MEGF11: variants seen among roughly 807,000 people sequenced by gnomAD.
MEGF11 encodes multiple epidermal growth factor-like domains protein 11.
Under a neutral mutation model 146.6 loss-of-function variants are expected in MEGF11, and 126 were observed. That is an observed-to-expected ratio of 0.86 (90% CI 0.74 to 1.00). The LOEUF (loss-of-function observed/expected upper bound fraction) is 1.00. MEGF11 is among the 50% of genes least tolerant of loss of function. The pLI is 0.00. For synonymous variants in MEGF11, 532 were observed against 583.4 expected (o/e 0.91, Z 1.27); for missense variants, 1,509 against 1,521.2 (o/e 0.99, Z 0.13).
chr15:66,070,849 T>C (rs977964178), intron 5 of MEGF11, among the ~76,000 whole-genome samples: 3 of 152,208 alleles, frequency 2.0e-5, no homozygotes, highest in Non-Finnish European at 4.4e-5. Context: ...TGCTTCATAG[T>C]ATTCATATCT....
In MEGF11 at chr15:65,899,672, G is replaced by A. The variant is rs571121683; in HGVS notation, c.3056-738C>T. Among the ~76,000 whole-genome samples, 6 of 152,212 alleles carry A rather than the reference G, an allele frequency of 3.9e-5. No homozygotes were observed. In the South Asian group the frequency reaches 1.2e-3, roughly 31 times the overall value. ...GGGTAGACTGAAGTGTAATTGAGGT[G>A]TAAAAAGCACGTCAGTCTTAAGCTA... On this transcript the variant is annotated intron_variant, in intron 24 of 25. Coordinates refer to ENST00000395614, the MANE Select transcript of MEGF11 (RefSeq NM_001385028.1).
intron 1 of MEGF11, among the ~76,000 whole-genome samples, chr15:66,136,603 G>C (rs1053221713): frequency 6.6e-6 from 1 of 152,208 alleles, no homozygotes; most frequent in Non-Finnish European, 1.5e-5. Context: ...TCTAAAAAAA[G>C]GTTGTCAATA....
At position 65,929,669 on chromosome 15, in the gene MEGF11, G is replaced by T. The variant is rs559182298; in HGVS notation, c.1572+51C>A. On this transcript the variant is annotated intron_variant, in intron 12 of 25. Coordinates refer to ENST00000395614, the MANE Select transcript of MEGF11 (RefSeq NM_001385028.1). ...GTGGACGAACTAACACCAGGGAAAG[G>T]GCGTGAGGGGATGCGGAGCCCAACC... 2.6e-6 allele frequency: 4 copies of T among 1,527,132 alleles called. No homozygotes were observed. In the African/African-American group the frequency reaches 4.1e-5, roughly 16 times the overall value. 94.6% of individuals were successfully genotyped at this position (1,527,132 alleles called of 1,614,324 possible). A position where few individuals can be genotyped will look rare whatever the true frequency, so the allele number is the denominator to read the frequency against.
intron 4 of MEGF11, among the ~76,000 whole-genome samples, chr15:66,104,720 A>G (rs947028216): frequency 6.6e-6 from 1 of 152,190 alleles, no homozygotes; most frequent in African/African-American, 2.4e-5. Flanking sequence ...GGGAGGTGGA[A>G]TCCTGCATCC....
chr15:66,036,974 T>G (rs188817824), intron 5 of MEGF11, among the ~76,000 whole-genome samples: 8 of 152,324 alleles, frequency 5.3e-5, no homozygotes, highest in East Asian at 1.9e-4. Context: ...GAAAGGGAAG[T>G]GCAGAGGCAA....
At chr15:65,906,209 TC>T (rs2078622719) in intron 23 of MEGF11, 68 bp from the exon 24 acceptor site, 23 of 1,174,366 alleles carry the variant, frequency 2.0e-5, no homozygotes, top group East Asian at 1.3e-4. Context: ...CTTGTGTTCT[TC>T]TTTCTTTTCT....
intron 4 of MEGF11, among the ~76,000 whole-genome samples, chr15:66,095,264 G>A (rs559850836): frequency 1.3e-5 from 2 of 152,278 alleles, no homozygotes; most frequent in East Asian, 1.9e-4. Flanking sequence ...TTCTTTGACA[G>A]AATCCACATT....
chr15:66,111,998 G>A lies in MEGF11; in HGVS notation c.301+7088C>T, dbSNP rs1361536823. On this transcript the variant is annotated intron_variant, in intron 4 of 25. Transcript: ENST00000395614. ...ACCGGGGGAAACCATTAGAGTGCCC[G>A]ACAAGAAAATGTAAAACTAATGTGT... 2.0e-5 allele frequency among the ~76,000 whole-genome samples: 3 copies of A among 151,086 alleles called. No individual in the cohort carries two copies. The East Asian group carries it at 5.8e-4, about 29-fold the overall frequency.
At chr15:66,194,945 A>C (rs1460380950) in intron 1 of MEGF11, among the ~76,000 whole-genome samples, 1 of 152,152 alleles carries the variant, frequency 6.6e-6, no homozygotes, top group Non-Finnish European at 1.5e-5. Context: ...TGCTCTTGCC[A>C]ACCAGGCTAA....
chr15:65,932,443 A>C (rs753819132), intron 10 of MEGF11, among the ~76,000 whole-genome samples: 3 of 150,542 alleles, frequency 2.0e-5, no homozygotes, highest in Non-Finnish European at 4.4e-5. Flanking sequence ...TAGCTCCACT[A>C]AACAATTTGG....
intron 1 of MEGF11, among the ~76,000 whole-genome samples, chr15:66,182,710 A>G (rs1160618146): frequency 6.6e-6 from 1 of 152,192 alleles, no homozygotes; most frequent in Non-Finnish European, 1.5e-5. Flanking sequence ...AAACATAACT[A>G]TTCAGATCTT....
At chr15:66,024,962 C>T (rs373158127) in intron 5 of MEGF11, among the ~76,000 whole-genome samples, 2 of 151,956 alleles carry the variant, frequency 1.3e-5, no homozygotes, top group Non-Finnish European at 2.9e-5. Flanking sequence ...GAGTGTGACC[C>T]GCCCCTCCCT....
chr15:65,912,467 GC>G (rs2078844772), intron 20 of MEGF11: 2 of 279,152 alleles, frequency 7.2e-6, no homozygotes, highest in African/African-American at 2.2e-5. Flanking sequence ...ATCAACTGGA[GC>G]CTGGATGGGG....
chr15:65,903,293 C>T (rs2078539083), intron 24 of MEGF11, among the ~76,000 whole-genome samples: 1 of 152,126 alleles, frequency 6.6e-6, no homozygotes, highest in African/African-American at 2.4e-5. Flanking sequence ...TGGAGAATAG[C>T]AATTTGAAAT....
At chr15:66,221,323 C>T (rs954573158) in intron 1 of MEGF11, among the ~76,000 whole-genome samples, 1 of 152,084 alleles carries the variant, frequency 6.6e-6, no homozygotes, top group African/African-American at 2.4e-5. Context: ...CTCCTGAATC[C>T]TGCCCATGCT....
intron 15 of MEGF11, among the ~76,000 whole-genome samples, chr15:65,921,179 C>T (rs1333335445): frequency 6.6e-6 from 1 of 152,148 alleles, no homozygotes; most frequent in African/African-American, 2.4e-5. Flanking sequence ...GAATGGGTTC[C>T]CCTGGGAGGT....
intron 1 of MEGF11, among the ~76,000 whole-genome samples, chr15:66,131,013 A>T (rs1361059077): frequency 2.0e-5 from 3 of 152,222 alleles, no homozygotes; most frequent in Admixed American, 2.0e-4. Flanking sequence ...ATAATTAAAT[A>T]AGAAAATGCC....
At chr15:65,916,667 C>T in intron 17 of MEGF11, 161 bp downstream of exon 17, 1 of 1,285,924 alleles carries the variant, frequency 7.8e-7, no homozygotes, top group Non-Finnish European at 1.1e-6. Context: ...TGGAGCTGCC[C>T]CTGCAGAGCT....
chr15:65,965,195 G>T, intron 8 of MEGF11, 75 bp from the exon 9 acceptor site: 2 of 1,283,030 alleles, frequency 1.6e-6, no homozygotes, highest in Non-Finnish European at 2.2e-6. Context: ...TCCAGGATGT[G>T]GTCCTCCTGG....
Sources: gnomAD v4.1 joint callset for allele counts (sites outside exome capture counted in the v4.1 genomes callset) on GRCh38, gnomAD v4.1.1 for gene constraint, MANE v1.5 for transcripts, NCBI Gene and HGNC (gene_info 2026-07-23, HGNC 2026-07-21) for gene names.